ZNF331: variants seen among roughly 807,000 people sequenced by gnomAD.
ZNF331 encodes the protein C2H2-like zinc finger protein rearranged in thyroid adenomas.
In ZNF331, 2 loss-of-function variants were observed where a neutral mutation model predicts 7.0. That is an observed-to-expected ratio of 0.29 (90% CI 0.12 to 0.90). The LOEUF (loss-of-function observed/expected upper bound fraction) is 0.90, where lower values mean the gene tolerates loss of function less well. ZNF331 is among the 40% of genes least tolerant of loss of function. The pLI, the probability that ZNF331 is intolerant of heterozygous loss-of-function variation, is 0.58. For synonymous variants in ZNF331, 196 were observed against 205.4 expected (o/e 0.95, Z 0.39); for missense variants, 432 against 587.7 (o/e 0.74, Z 2.74).
upstream of ZNF331, chr19:53,536,448 T>C (rs1374061855): frequency 6.6e-6 from 1 of 152,232 alleles, no homozygotes; most frequent in Non-Finnish European, 1.5e-5. Context: ...TCAAATTATA[T>C]GTACCATTTT....
chr19:53,519,768 G>A (rs975382391), upstream of ZNF331, among the ~76,000 whole-genome samples: 2 of 152,090 alleles, frequency 1.3e-5, no homozygotes, highest in Non-Finnish European at 2.9e-5. Context: ...ACCCAGTCAG[G>A]ACCAGGTCAC....
chr19:53,547,703 T>G (rs1273567689), intron 2 of ZNF331, among the ~76,000 whole-genome samples: 1 of 152,218 alleles, frequency 6.6e-6, no homozygotes, highest in Non-Finnish European at 1.5e-5. Flanking sequence ...GTTTGTTTTT[T>G]AATAAAAGCC....
intron 3 of ZNF331, among the ~76,000 whole-genome samples, chr19:53,559,965 C>T (rs56157602): frequency 0.044 from 6,528 of 149,828 alleles, 226 homozygotes; most frequent in South Asian, 0.15. Context: ...CACATATACA[C>T]CCCGTACACA....
intron 2 of ZNF331, among the ~76,000 whole-genome samples, chr19:53,544,598 GACCATAATTTA>G (rs199886208): frequency 0.01 from 1,538 of 151,192 alleles, 19 homozygotes; most frequent in African/African-American, 0.035. Flanking sequence ...TCATATAGCA[GACCATAATTTA>G]ACCCATCCTC....
chr19:53,576,702 G>A lies in ZNF331; in HGVS notation c.142G>A (p.Glu48Lys). Reference protein sequence around the residue: ...NYSNLVSLDLESAYENKSLPT... With the variant: ...NYSNLVSLDLKSAYENKSLPT... ...AATATGTTCTTTTTTCCCAGATTTG[G>A]AGTCAGCATATGAAAATAAGAGTTT... The change falls in exon 6 of 6, where the codon GAG becomes AAG. Residue 48 changes from glutamate to lysine, a missense_variant. Coordinates refer to ENST00000449416, the MANE Select transcript of ZNF331 (RefSeq NM_001079906.2). 1 of 1,597,594 alleles carries A rather than the reference G, an allele frequency of 6.3e-7. No individual in the cohort carries two copies.
chr19:53,557,967 G>GA (rs1194004010), intron 3 of ZNF331, among the ~76,000 whole-genome samples: 2 of 152,032 alleles, frequency 1.3e-5, no homozygotes, highest in Admixed American at 6.6e-5. Flanking sequence ...CTCTGTCTCA[G>GA]AAAAAAATAA....
intron 3 of ZNF331, among the ~76,000 whole-genome samples, chr19:53,559,101 C>G (rs1303028559): frequency 4.9e-5 from 7 of 142,672 alleles, no homozygotes; most frequent in African/African-American, 1.7e-4. Flanking sequence ...CATATAGAGA[C>G]ACATATATAC....
the ZNF331 span, among the ~76,000 whole-genome samples, chr19:53,511,350 G>C: frequency 6.6e-6 from 1 of 152,002 alleles, no homozygotes; most frequent in Non-Finnish European, 1.5e-5. Flanking sequence ...CATTATCGCA[G>C]TGTAAAATGA....
chr19:53,553,142 A>G (rs2089120250), intron 2 of ZNF331, among the ~76,000 whole-genome samples: 1 of 152,172 alleles, frequency 6.6e-6, no homozygotes, highest in Admixed American at 6.5e-5. Flanking sequence ...ATGCCATTAT[A>G]TAACAGACTA....
chr19:53,559,547 A>G (rs1310500043), intron 3 of ZNF331, among the ~76,000 whole-genome samples: 2 of 151,372 alleles, frequency 1.3e-5, no homozygotes, highest in Admixed American at 1.3e-4. Flanking sequence ...CCATATATAC[A>G]CACATATACA....
rs34296898 is a variant in ZNF331, at chr19:53,575,499, C to CTTTTTT, written c.137-1181_137-1176dup. 2.2e-3 allele frequency among the ~76,000 whole-genome samples: 165 copies of CTTTTTT among 75,892 alleles called. 2 individuals are homozygous for CTTTTTT. Among genetic ancestry groups the CTTTTTT allele is most frequent in the Non-Finnish European group, 3.0e-3 (123 of 40,742 alleles). The allele number at this position is 75,892 out of a possible 152,430, so 49.8% of individuals were successfully genotyped here. A position where few individuals can be genotyped will look rare whatever the true frequency, so the allele number is the denominator to read the frequency against. On this transcript the variant is annotated intron_variant, in intron 5 of 5. Transcript: ENST00000449416. ...AATGTTGTATTCTTTTACCCAGTTG[C>CTTTTTT]TTTTTTTTTTTTTTTTTTTTTTGAG...
the ZNF331 span, among the ~76,000 whole-genome samples, chr19:53,510,507 AT>A: frequency 6.7e-6 from 1 of 148,586 alleles, no homozygotes; most frequent in Non-Finnish European, 1.5e-5. Context: ...TAAAGAATCG[AT>A]TTTGTCACTT....
At chr19:53,514,652 C>CTTTTTT (rs67056894), upstream of ZNF331, among the ~76,000 whole-genome samples, 7 of 132,976 alleles carry the variant, frequency 5.3e-5, no homozygotes, top group South Asian at 2.5e-4. Context: ...AAGCCTTCTC[C>CTTTTTT]TTTTTTTTTT....
intron 2 of ZNF331, among the ~76,000 whole-genome samples, chr19:53,554,024 G>A (rs1600357240): frequency 6.6e-6 from 1 of 152,290 alleles, no homozygotes; most frequent in South Asian, 2.1e-4. Flanking sequence ...AACTTAAGGC[G>A]CTGCATGCTG....
At chr19:53,569,675 T>C (rs1435199082) in intron 4 of ZNF331, among the ~76,000 whole-genome samples, 1 of 152,080 alleles carries the variant, frequency 6.6e-6, no homozygotes, top group Non-Finnish European at 1.5e-5. Flanking sequence ...AAGTCTGTGG[T>C]TTGATGAGTT....
At position 53,578,135 on chromosome 19, in the gene ZNF331, G is replaced by A. The variant is rs1033971589; in HGVS notation, c.*183G>A. On this transcript the variant is annotated 3_prime_UTR_variant, in exon 6 of 6. Transcript: ENST00000449416. Reference sequence around the variant, plus strand: ...AATCTCTCGCTGTCCGGCTCCAGCCGGCCGGGGATGTGAGTCATCCCTTGG... The same window carrying A: ...AATCTCTCGCTGTCCGGCTCCAGCCAGCCGGGGATGTGAGTCATCCCTTGG... The A allele has an allele frequency of 1.9e-5, 15 of 799,608 alleles. No individual in the cohort carries two copies. The highest frequency in any genetic ancestry group is 7.0e-5 in the African/African-American group (4 of 57,478). 49.5% of individuals were successfully genotyped at this position (799,608 alleles called of 1,614,324 possible).
intron 2 of ZNF331, among the ~76,000 whole-genome samples, chr19:53,532,968 T>C (rs933740416): frequency 1.3e-5 from 2 of 152,160 alleles, no homozygotes; most frequent in African/African-American, 4.8e-5. Context: ...AAATCAACTC[T>C]TAGTTTCATT....
chr19:53,569,589 T>G (rs2090338161), intron 4 of ZNF331, among the ~76,000 whole-genome samples: 1 of 152,192 alleles, frequency 6.6e-6, no homozygotes. Flanking sequence ...AAGTATCTCC[T>G]GTTTGCTCCC....
the ZNF331 span, among the ~76,000 whole-genome samples, chr19:53,510,405 C>A: frequency 6.7e-6 from 1 of 150,294 alleles, no homozygotes; most frequent in Non-Finnish European, 1.5e-5. Flanking sequence ...CACAACCTGC[C>A]AGAATTAACC....
Sources: allele counts gnomAD v4.1 joint callset (sites outside exome capture counted in the v4.1 genomes callset), GRCh38; gene constraint gnomAD v4.1.1; transcripts MANE v1.5; gene names NCBI Gene and HGNC (gene_info 2026-07-23, HGNC 2026-07-21).